TBC1D5: variants seen among roughly 807,000 people sequenced by gnomAD.
TBC1D5 encodes TBC1 domain family, member 5.
A neutral mutation model predicts 100.3 loss-of-function variants in TBC1D5; 75 were observed. The observed-to-expected ratio is 0.75, with a 90% CI of 0.62 to 0.91. The LOEUF is 0.91. Among genes scored for constraint, TBC1D5 ranks in the 40% least tolerant of loss-of-function variants. TBC1D5 has a pLI of 0.00. For synonymous variants in TBC1D5, 323 were observed against 325.6 expected, an observed-to-expected ratio of 0.99 and a Z score of 0.09; for missense variants, 910 against 942.4, an observed-to-expected ratio of 0.97 and a Z score of 0.45.
chr3:17,584,312 G>C (rs2096719136), intron 2 of TBC1D5, among the ~76,000 whole-genome samples: 1 of 152,188 alleles, frequency 6.6e-6, no homozygotes, highest in African/African-American at 2.4e-5. Flanking sequence ...CCACGGAACT[G>C]TTCACTTCAA....
rs1030647128 is a variant in TBC1D5, at chr3:17,374,735, C to T, written c.702-56G>A. On this transcript the variant is annotated intron_variant, in intron 10 of 21. Transcript: ENST00000253692. ...TGTAATTTTTGAATAATTAAAGAGGCAGAGTTTGCCTTATTCTATATAAGA... is the reference window on the plus strand; with the variant it reads ...TGTAATTTTTGAATAATTAAAGAGGTAGAGTTTGCCTTATTCTATATAAGA... The T allele has an allele frequency of 3.2e-6, 5 of 1,562,292 alleles. No individual in the cohort carries two copies. In the Admixed American group the frequency reaches 8.9e-5, roughly 28 times the overall value.
chr3:17,330,542 G>A (rs142210243), intron 13 of TBC1D5, among the ~76,000 whole-genome samples: 1 of 151,778 alleles, frequency 6.6e-6, no homozygotes, highest in African/African-American at 2.4e-5. Flanking sequence ...ACGTGGCCAC[G>A]GTTCTTACTC....
chr3:17,180,020 C>T (rs1027747369), intron 19 of TBC1D5, among the ~76,000 whole-genome samples: 1 of 152,164 alleles, frequency 6.6e-6, no homozygotes, highest in African/African-American at 2.4e-5. Flanking sequence ...TACGGCATAT[C>T]TAAAAATAGC....
intron 15 of TBC1D5, among the ~76,000 whole-genome samples, chr3:17,285,353 C>T (rs1011397291): frequency 2.7e-5 from 4 of 147,602 alleles, no homozygotes; most frequent in South Asian, 4.4e-4. Context: ...CTCCGCCTCC[C>T]GGGTTCACGG....
At chr3:17,544,996 T>G (rs1184574528) in intron 2 of TBC1D5, among the ~76,000 whole-genome samples, 2 of 152,304 alleles carry the variant, frequency 1.3e-5, no homozygotes, top group East Asian at 3.9e-4. Context: ...ATTGTATATG[T>G]CATTAGCTCT....
chr3:17,454,545 C>T (rs570998933), intron 3 of TBC1D5, among the ~76,000 whole-genome samples: 37 of 152,056 alleles, frequency 2.4e-4, no homozygotes, highest in Non-Finnish European at 5.0e-4. Context: ...CTGCAAGCTC[C>T]GCCTCCCGGG....
At chr3:17,695,349 C>A (rs187045323) in intron 1 of TBC1D5, among the ~76,000 whole-genome samples, 2 of 152,144 alleles carry the variant, frequency 1.3e-5, no homozygotes, top group East Asian at 3.9e-4. Context: ...ATTCAGGAGA[C>A]CCATCTCACG....
At chr3:17,681,750 C>T (rs1227798224) in intron 1 of TBC1D5, among the ~76,000 whole-genome samples, 3 of 151,526 alleles carry the variant, frequency 2.0e-5, no homozygotes, top group Non-Finnish European at 4.4e-5. Context: ...AACCCCCAGG[C>T]CATGGATTGG....
intron 3 of TBC1D5, among the ~76,000 whole-genome samples, chr3:17,459,956 G>A (rs1462294454): frequency 6.6e-6 from 1 of 152,014 alleles, no homozygotes; most frequent in Non-Finnish European, 1.5e-5. Context: ...TTAATGACAG[G>A]AGTATACTTA....
chr3:17,225,275 T>C (rs1374585714), intron 17 of TBC1D5, among the ~76,000 whole-genome samples: 6 of 150,652 alleles, frequency 4.0e-5, no homozygotes, highest in Non-Finnish European at 4.4e-5. Context: ...CCCGTCTCTA[T>C]TAAAAATACA....
At chr3:17,195,754 CTT>C (rs35636355) in intron 18 of TBC1D5, among the ~76,000 whole-genome samples, 15,087 of 144,434 alleles carry the variant, frequency 0.1, 1,542 homozygotes, top group African/African-American at 0.26. Context: ...ATATTTCTTT[CTT>C]TTTTTTTTTT....
intron 2 of TBC1D5, among the ~76,000 whole-genome samples, chr3:17,567,099 A>G (rs952437565): frequency 1.3e-5 from 2 of 151,862 alleles, no homozygotes; most frequent in African/African-American, 4.8e-5. Context: ...AAAATACACT[A>G]AACTTCATAC....
chr3:17,234,249 T>A (rs2075680340), intron 17 of TBC1D5, among the ~76,000 whole-genome samples: 1 of 152,156 alleles, frequency 6.6e-6, no homozygotes, highest in Non-Finnish European at 1.5e-5. Flanking sequence ...TGAAAAGATT[T>A]AAGTTACCAC....
chr3:17,219,087 G>GT (rs1285784550), intron 17 of TBC1D5, among the ~76,000 whole-genome samples: 3,778 of 139,730 alleles, frequency 0.027, 131 homozygotes, highest in African/African-American at 0.085. Context: ...GGCTCTTTTT[G>GT]TTTTTTTTTT....
chr3:17,348,751 T>C lies in TBC1D5; in HGVS notation c.995+23324A>G, dbSNP rs567631501. Among the ~76,000 whole-genome samples the C allele has an allele frequency of 2.2e-4, 33 of 152,300 alleles. No individual in the cohort carries two copies. In the East Asian group the frequency reaches 6.4e-3, roughly 29 times the overall value. On this transcript the variant is annotated intron_variant, in intron 13 of 21. Coordinates refer to ENST00000253692, the Ensembl canonical transcript of TBC1D5. ...CCCATTCCTACCAGAGATACCTGCC[T>C]ACTTCATCAAAGATTCACCTGGATG...
intron 9 of TBC1D5, among the ~76,000 whole-genome samples, chr3:17,382,785 C>T (rs960059525): frequency 6.6e-6 from 1 of 152,036 alleles, no homozygotes; most frequent in African/African-American, 2.4e-5. Context: ...TGGTCTCAAA[C>T]TCCTGGGCTC....
intron 1 of TBC1D5, among the ~76,000 whole-genome samples, chr3:17,705,646 G>T (rs1233309839): frequency 2.3e-5 from 3 of 128,096 alleles, no homozygotes; most frequent in Non-Finnish European, 5.0e-5. Flanking sequence ...CATCTCAGAC[G>T]ATGGGCGGCC....
rs1266933281 is a variant in TBC1D5, at chr3:17,569,372, G to A, written c.-36+54477C>T. Among the ~76,000 whole-genome samples the A allele has an allele frequency of 2.0e-5, 3 of 151,730 alleles. No homozygotes were observed. The East Asian group carries it at 5.8e-4, about 29-fold the overall frequency. ...AAATCTGTATGCTATAAAAGTACAT[G>A]TCATGGAATTTACTAGGATGCAACT... is the stretch of plus-strand genomic sequence containing the variant. On this transcript the variant is annotated intron_variant, in intron 2 of 21. Transcript: ENST00000253692.
intron 2 of TBC1D5, among the ~76,000 whole-genome samples, chr3:17,567,080 T>G (rs765148422): frequency 2.0e-5 from 3 of 151,848 alleles, no homozygotes; most frequent in Non-Finnish European, 4.4e-5. Context: ...TCCCTAACAT[T>G]GTCCTACCAA....
Sources: gnomAD v4.1 joint callset for allele counts (sites outside exome capture counted in the v4.1 genomes callset) on GRCh38, gnomAD v4.1.1 for gene constraint, MANE v1.5 for transcripts, NCBI Gene and HGNC (gene_info 2026-07-23, HGNC 2026-07-21) for gene names.